Variants in TRAPPC9 observed in about 807,000 individuals in gnomAD.
TRAPPC9 encodes the protein IKK2 binding protein.
TRAPPC9 carries 83 observed loss-of-function variants against 124.0 expected under a neutral mutation model. The observed-to-expected ratio is 0.67, with a 90% CI of 0.56 to 0.80. The LOEUF (loss-of-function observed/expected upper bound fraction) is 0.80. Ranked by LOEUF, TRAPPC9 falls within the 30% of genes least tolerant of loss-of-function variation. TRAPPC9 has a pLI of 0.00. For missense variants in TRAPPC9, 1,302 were observed against 1,508.3 expected, an observed-to-expected ratio of 0.86 and a Z score of 2.27; for synonymous variants, 638 against 617.5, an observed-to-expected ratio of 1.03 and a Z score of -0.49.
At chr8:139,900,967 C>T (rs1830977762) in intron 20 of TRAPPC9, among the ~76,000 whole-genome samples, 1 of 142,386 alleles carries the variant, frequency 7.0e-6, no homozygotes, top group African/African-American at 2.7e-5. Context: ...TGAGCCTCAT[C>T]TCTCAAAAAT....
chr8:140,279,264 C>T (rs12114671), intron 14 of TRAPPC9, among the ~76,000 whole-genome samples: 48,666 of 152,006 alleles, frequency 0.32, 8,449 homozygotes, highest in African/African-American at 0.43. Context: ...ACAAGGGCAG[C>T]GGCCTAGGTC....
Position 139,728,069 on chromosome 8 carries a change from G to A in TRAPPC9, c.*2992C>T, listed in dbSNP as rs1345170034. Among the ~76,000 whole-genome samples the A allele has an allele frequency of 6.6e-6, 1 of 152,078 alleles. No homozygotes were observed. Among genetic ancestry groups the A allele is most frequent in the African/African-American group, 2.4e-5 (1 of 41,394 alleles). ...TTAAATCAAATAAACTGATATGAAA[G>A]TGTCCATGAAATAAGTATTTTTATC... On this transcript the variant is annotated 3_prime_UTR_variant, in exon 23 of 23. Transcript: ENST00000438773.
intron 17 of TRAPPC9, among the ~76,000 whole-genome samples, chr8:140,032,409 C>T (rs1383783221): frequency 6.6e-6 from 1 of 151,880 alleles, no homozygotes; most frequent in Non-Finnish European, 1.5e-5. Flanking sequence ...CTTTTCCTCC[C>T]CCCCCACCCT....
At chr8:139,784,734 T>G (rs994029634) in intron 21 of TRAPPC9, among the ~76,000 whole-genome samples, 3 of 148,678 alleles carry the variant, frequency 2.0e-5, no homozygotes, top group African/African-American at 7.4e-5. Flanking sequence ...GAATATGAAA[T>G]ACTTAGGGCT....
chr8:139,815,717 C>G (rs186298970), intron 21 of TRAPPC9, among the ~76,000 whole-genome samples: 1 of 152,204 alleles, frequency 6.6e-6, no homozygotes, highest in African/African-American at 2.4e-5. Context: ...AACAGTCAAT[C>G]CACAGATATT....
intron 17 of TRAPPC9, among the ~76,000 whole-genome samples, chr8:140,102,376 G>A (rs981127300): frequency 6.6e-6 from 1 of 152,176 alleles, no homozygotes; most frequent in Non-Finnish European, 1.5e-5. Context: ...GGGTCTCAGA[G>A]AAATTGAAAT....
chr8:140,287,659 G>A lies in TRAPPC9; in HGVS notation c.1930C>T (p.Pro644Ser). 6.2e-7 allele frequency: 1 copy of A among 1,614,170 alleles called. No individual in the cohort carries two copies. Among genetic ancestry groups the A allele is most frequent in the Non-Finnish European group, 8.5e-7 (1 of 1,180,038 alleles). The change falls in exon 13 of 23, where the codon CCA becomes TCA. Residue 644 changes from proline to serine, a missense_variant. This residue lies in a region of TRAPPC9 where 640 missense variants were observed against 679.3 expected (regional missense o/e 0.94). Coordinates refer to ENST00000438773, the MANE Select transcript of TRAPPC9 (RefSeq NM_001160372.4). ...LSLPAESGLY[P>S]VTLVGVPQTT... is the part of the protein sequence containing the mutation. ...TGCGGGACCCCGACGAGCGTCACTG[G>A]GTACAGACCAGATTCAGCCGGAAGA...
intron 15 of TRAPPC9, among the ~76,000 whole-genome samples, chr8:140,259,284 C>T (rs1046390367): frequency 2.6e-5 from 4 of 152,182 alleles, no homozygotes; most frequent in Admixed American, 6.5e-5. Flanking sequence ...GATGCCTTCC[C>T]ATCCCACATC....
At chr8:140,379,556 T>C (rs73713115) in intron 7 of TRAPPC9, among the ~76,000 whole-genome samples, 5,450 of 152,256 alleles carry the variant, frequency 0.036, 212 homozygotes, top group African/African-American at 0.097. Context: ...ACATTTAAGG[T>C]GAAGCAAACA....
intron 21 of TRAPPC9, among the ~76,000 whole-genome samples, chr8:139,803,878 T>G (rs968219941): frequency 3.9e-5 from 6 of 152,116 alleles, no homozygotes; most frequent in African/African-American, 1.4e-4. Flanking sequence ...GGCAGTAGTC[T>G]GAAATAAATG....
chr8:140,074,498 G>A (rs1462877715), intron 17 of TRAPPC9, among the ~76,000 whole-genome samples: 3 of 152,218 alleles, frequency 2.0e-5, no homozygotes, highest in African/African-American at 7.2e-5. Context: ...CCCTCCGTAG[G>A]GGAAGGAAGG....
chr8:139,918,797 A>T (rs1218927780), intron 19 of TRAPPC9, among the ~76,000 whole-genome samples: 1 of 152,230 alleles, frequency 6.6e-6, no homozygotes, highest in African/African-American at 2.4e-5. Flanking sequence ...ACCTAATGCC[A>T]CTGGCTGCCA....
At chr8:140,319,870 C>T (rs959151254) in intron 9 of TRAPPC9, among the ~76,000 whole-genome samples, 2 of 152,192 alleles carry the variant, frequency 1.3e-5, no homozygotes, top group Non-Finnish European at 2.9e-5. Flanking sequence ...AAATGATTTA[C>T]GGCCATTTAA....
At chr8:140,054,236 A>G (rs760693096) in intron 17 of TRAPPC9, among the ~76,000 whole-genome samples, 7 of 152,236 alleles carry the variant, frequency 4.6e-5, no homozygotes, top group East Asian at 3.8e-4. Flanking sequence ...CATTTGGGTT[A>G]TGGGTTCCAC....
rs959293419 is a variant in TRAPPC9, at chr8:139,825,083, G to T, written c.3055+60796C>A. Among the ~76,000 whole-genome samples, 2 of 152,146 alleles carry T rather than the reference G, an allele frequency of 1.3e-5. No individual in the cohort carries two copies. Among genetic ancestry groups the T allele is most frequent in the Non-Finnish European group, 2.9e-5 (2 of 68,012 alleles). On this transcript the variant is annotated intron_variant, in intron 21 of 22. Coordinates refer to ENST00000438773, the MANE Select transcript of TRAPPC9 (RefSeq NM_001160372.4). This position sits in a 1 kb window ranked among gnomAD's most constrained non-coding sequence, Gnocchi z 4.6. Reference sequence around the variant, plus strand: ...GAGAACACTCAGGGGTGGGGTTGCTGGAGTGGGGGTCACAGATGACCCGGG... The same window carrying T: ...GAGAACACTCAGGGGTGGGGTTGCTTGAGTGGGGGTCACAGATGACCCGGG...
At position 139,821,396 on chromosome 8, in the gene TRAPPC9, C is replaced by T. The variant is rs551598763; in HGVS notation, c.3055+64483G>A. Reference sequence around the variant, plus strand: ...GCCACGTGGATGCTGCAGCCTGGTACTTGGAGAGTATGCTGTGGCACAGGT... The same window carrying T: ...GCCACGTGGATGCTGCAGCCTGGTATTTGGAGAGTATGCTGTGGCACAGGT... On this transcript the variant is annotated intron_variant, in intron 21 of 22. Transcript: ENST00000438773. 2.0e-5 allele frequency among the ~76,000 whole-genome samples: 3 copies of T among 152,360 alleles called. No homozygotes were observed. The East Asian group carries it at 5.8e-4, about 29-fold the overall frequency.
intron 19 of TRAPPC9, among the ~76,000 whole-genome samples, chr8:139,977,565 CGGA>C (rs1836564670): frequency 6.9e-6 from 1 of 145,670 alleles, no homozygotes; most frequent in Non-Finnish European, 1.5e-5. Flanking sequence ...TTGCAGAGAG[CGGA>C]GATCGCGCCA....
chr8:140,377,496 G>A (rs139004681), intron 7 of TRAPPC9, among the ~76,000 whole-genome samples: 2,532 of 152,042 alleles, frequency 0.017, 81 homozygotes, highest in African/African-American at 0.058. Flanking sequence ...ACAGGGTTTC[G>A]TCATGTTGGC....
chr8:139,920,760 A>G (rs1241393220), intron 19 of TRAPPC9, among the ~76,000 whole-genome samples: 1 of 152,262 alleles, frequency 6.6e-6, no homozygotes, highest in Non-Finnish European at 1.5e-5. Context: ...AGGTGAAGGA[A>G]CTAGGTTCAG....
Sources: allele counts gnomAD v4.1 joint callset (sites outside exome capture counted in the v4.1 genomes callset), GRCh38; gene constraint gnomAD v4.1.1; regional missense constraint gnomAD v4.1.1; non-coding constraint Gnocchi (gnomAD v3.1); transcripts MANE v1.5; gene names NCBI Gene and HGNC (gene_info 2026-07-23, HGNC 2026-07-21).